Variants in BBS9 observed in about 807,000 individuals in gnomAD.
BBS9 encodes the protein Bardet-Biedl syndrome 9, also known as protein PTHB1.
BBS9 carries 89 observed loss-of-function variants against 117.7 expected under a neutral mutation model. The ratio of observed to expected loss-of-function variants is 0.76; its 90% confidence interval spans 0.64 to 0.90. BBS9 has a LOEUF of 0.90. Ranked by LOEUF, BBS9 falls within the 40% of genes least tolerant of loss-of-function variation. The pLI, the probability that BBS9 is intolerant of heterozygous loss-of-function variation, is 0.00. For synonymous variants in BBS9, 379 were observed against 370.9 expected, an observed-to-expected ratio of 1.02 and a Z score of -0.25; for missense variants, 982 against 1,042.2, an observed-to-expected ratio of 0.94 and a Z score of 0.80.
chr7:33,408,064 C>T (rs1315153718), intron 19 of BBS9, among the ~76,000 whole-genome samples: 1 of 152,240 alleles, frequency 6.6e-6, no homozygotes, highest in Non-Finnish European at 1.5e-5. Flanking sequence ...GGCAGGCAGG[C>T]CTCCTGGAGC....
downstream of BBS9, among the ~76,000 whole-genome samples, chr7:33,610,422 G>A (rs1864797260): frequency 6.6e-6 from 1 of 152,094 alleles, no homozygotes; most frequent in Non-Finnish European, 1.5e-5. Context: ...TCTGGTAAGG[G>A]TCCAACTCCC....
chr7:33,132,706 C>A (rs938683656), intron 1 of BBS9, among the ~76,000 whole-genome samples: 3 of 152,170 alleles, frequency 2.0e-5, no homozygotes, highest in Middle Eastern at 3.2e-3. Context: ...TCTTTCCTAA[C>A]CTGTCAGTAC....
intron 5 of BBS9, among the ~76,000 whole-genome samples, chr7:33,248,934 T>A (rs1020922616): frequency 6.6e-6 from 1 of 152,176 alleles, no homozygotes; most frequent in Admixed American, 6.6e-5. Context: ...ACTGCATATA[T>A]GCTTGGCCAT....
At chr7:33,460,786 A>T (rs1247448334) in intron 19 of BBS9, among the ~76,000 whole-genome samples, 1 of 152,018 alleles carries the variant, frequency 6.6e-6, no homozygotes, top group Non-Finnish European at 1.5e-5. Context: ...ATTCATTGAC[A>T]TTTAATGCAT....
chr7:33,373,152 C>A (rs1278028608), intron 17 of BBS9, among the ~76,000 whole-genome samples: 1 of 152,066 alleles, frequency 6.6e-6, no homozygotes, highest in Admixed American at 6.6e-5. Flanking sequence ...CACGCACACT[C>A]TCTCTTTCTC....
At chr7:33,179,297 C>G (rs1161696085) in intron 5 of BBS9, among the ~76,000 whole-genome samples, 2 of 152,092 alleles carry the variant, frequency 1.3e-5, no homozygotes, top group Non-Finnish European at 2.9e-5. Context: ...AGCAGGGATC[C>G]CCGATCCCCA....
At chr7:33,541,121 G>A (rs1032873163) in intron 21 of BBS9, among the ~76,000 whole-genome samples, 2 of 151,704 alleles carry the variant, frequency 1.3e-5, no homozygotes, top group South Asian at 2.1e-4. Context: ...ACTGTAATTC[G>A]TATGCCTTCT....
At chr7:33,274,742 C>A (rs1240610912) in intron 9 of BBS9, among the ~76,000 whole-genome samples, 1 of 152,118 alleles carries the variant, frequency 6.6e-6, no homozygotes, top group Admixed American at 6.5e-5. Context: ...CGCCTGTAAT[C>A]CCAGCTCTTT....
In BBS9 at chr7:33,574,966, T is replaced by C. The variant is rs73690928; in HGVS notation, c.2522-29899T>C. Among the ~76,000 whole-genome samples the C allele has an allele frequency of 5.9e-3, 898 of 152,228 alleles. 9 individuals are homozygous for C. Among genetic ancestry groups the C allele is most frequent in the African/African-American group, 0.021 (863 of 41,554 alleles). Reference sequence around the variant, plus strand: ...TATAACTTGGGCTTCTTGCTTACGATTAATTAAAAAGAAGTGATCTTTTTA... The same window carrying C: ...TATAACTTGGGCTTCTTGCTTACGACTAATTAAAAAGAAGTGATCTTTTTA... On this transcript the variant is annotated intron_variant, in intron 21 of 22. Coordinates refer to ENST00000242067, the MANE Select transcript of BBS9 (RefSeq NM_198428.3).
intron 6 of BBS9, among the ~76,000 whole-genome samples, chr7:33,263,357 G>C (rs1420151): frequency 0.83 from 125,774 of 151,976 alleles, 52,081 homozygotes; most frequent in Admixed American, 0.86. Context: ...AGATATCTGT[G>C]TCTTAGAAAA....
chr7:33,312,135 T>G (rs954940058), intron 9 of BBS9, among the ~76,000 whole-genome samples: 3 of 152,236 alleles, frequency 2.0e-5, no homozygotes, highest in Admixed American at 6.5e-5. Context: ...GTCCACCATT[T>G]TTTTGATTAC....
At chr7:33,196,198 A>C (rs901687867) in intron 5 of BBS9, among the ~76,000 whole-genome samples, 4 of 152,102 alleles carry the variant, frequency 2.6e-5, no homozygotes, top group Admixed American at 1.3e-4. Flanking sequence ...TTTTTATTTT[A>C]AAAAATTAAA....
intron 5 of BBS9, among the ~76,000 whole-genome samples, chr7:33,201,290 T>A (rs1034184309): frequency 6.6e-6 from 1 of 152,176 alleles, no homozygotes; most frequent in African/African-American, 2.4e-5. Context: ...TAGTTCACCC[T>A]CTTCAGAATA....
chr7:33,574,729 G>A (rs2598398), intron 21 of BBS9, among the ~76,000 whole-genome samples: 54,025 of 120,920 alleles, frequency 0.45, 14,358 homozygotes, highest in African/African-American at 0.76. Flanking sequence ...ACACACACGC[G>A]CACACACACA....
At chr7:33,170,287 G>A in intron 4 of BBS9, among the ~76,000 whole-genome samples, 1 of 147,628 alleles carries the variant, frequency 6.8e-6, no homozygotes, top group East Asian at 2.0e-4. Context: ...GGGATGCAAG[G>A]CTGGTTCAAT....
At chr7:33,620,006 C>G (rs1865327548) in intron 21 of BBS9, among the ~76,000 whole-genome samples, 1 of 151,760 alleles carries the variant, frequency 6.6e-6, no homozygotes, top group Admixed American at 6.6e-5. Context: ...AAGATCCGAG[C>G]AGAAATACAT....
chr7:33,221,304 T>C (rs1270470023), intron 5 of BBS9, among the ~76,000 whole-genome samples: 1 of 152,234 alleles, frequency 6.6e-6, no homozygotes, highest in Non-Finnish European at 1.5e-5. Context: ...TAGTCCACTC[T>C]GTTCCAGTCT....
At chr7:33,263,005 A>G (rs1798212407) in intron 6 of BBS9, among the ~76,000 whole-genome samples, 3 of 152,194 alleles carry the variant, frequency 2.0e-5, no homozygotes. Context: ...CCTTATGAGT[A>G]TAGATTATGT....
At chr7:33,493,707 C>T (rs900141794) in intron 19 of BBS9, among the ~76,000 whole-genome samples, 4 of 152,124 alleles carry the variant, frequency 2.6e-5, no homozygotes, top group Admixed American at 1.3e-4. Flanking sequence ...TTTTTCCCCT[C>T]GTAATGGACG....
Sources: gnomAD v4.1 joint callset for allele counts (sites outside exome capture counted in the v4.1 genomes callset) on GRCh38, gnomAD v4.1.1 for gene constraint, MANE v1.5 for transcripts, NCBI Gene and HGNC (gene_info 2026-07-23, HGNC 2026-07-21) for gene names.